CNIH3: variants seen among roughly 807,000 people sequenced by gnomAD.
CNIH3 encodes cornichon family AMPA receptor auxiliary protein 3, also known as protein cornichon homolog 3.
A neutral mutation model predicts 24.1 loss-of-function variants in CNIH3; 14 were observed. That is an observed-to-expected ratio of 0.58 (90% CI 0.38 to 0.91). The LOEUF (loss-of-function observed/expected upper bound fraction) is 0.91. Among genes scored for constraint, CNIH3 ranks in the 40% least tolerant of loss-of-function variants. The pLI is 0.00. For synonymous variants in CNIH3, 68 were observed against 73.8 expected (o/e 0.92, Z 0.40); for missense variants, 178 against 196.8 (o/e 0.90, Z 0.57).
chr1:224,489,795 T>G (rs1343681834), intron 1 of CNIH3, among the ~76,000 whole-genome samples: 2 of 152,206 alleles, frequency 1.3e-5, no homozygotes, highest in Non-Finnish European at 2.9e-5. Flanking sequence ...AAAGTCAATA[T>G]GCCAGCAGCT....
chr1:224,475,811 A>G (rs964343292), intron 1 of CNIH3, among the ~76,000 whole-genome samples: 1 of 152,176 alleles, frequency 6.6e-6, no homozygotes, highest in African/African-American at 2.4e-5. Context: ...CTACAGGCCA[A>G]TATTCCTCAT....
At chr1:224,635,176 G>A (rs941736995) in intron 1 of CNIH3, among the ~76,000 whole-genome samples, 1 of 152,038 alleles carries the variant, frequency 6.6e-6, no homozygotes, top group East Asian at 1.9e-4. Context: ...GGGGTCGGGG[G>A]GAACTGCCCT....
intron 1 of CNIH3, among the ~76,000 whole-genome samples, chr1:224,653,372 AG>A (rs1325661306): frequency 2.0e-5 from 3 of 151,696 alleles, no homozygotes; most frequent in Non-Finnish European, 2.9e-5. Context: ...CAGTGAGCCA[AG>A]ATCGTGCCAT....
At chr1:224,573,894 A>G (rs1680923793) in intron 4 of CNIH3, among the ~76,000 whole-genome samples, 1 of 152,032 alleles carries the variant, frequency 6.6e-6, no homozygotes, top group Middle Eastern at 3.4e-3. Context: ...TTTTTTGTAA[A>G]TGGTATTTCC....
rs1170905158 is a variant in CNIH3, at chr1:224,458,287, G to A, written n.203+23425G>A. ...AGGTCCCGTAGTCCCTGTGTGGTCAGCAGGGAAGGCAGCAGTGCTCTGTCA... is the reference window on the plus strand; with the variant it reads ...AGGTCCCGTAGTCCCTGTGTGGTCAACAGGGAAGGCAGCAGTGCTCTGTCA... On this transcript the variant is annotated intron_variant and non_coding_transcript_variant, in intron 1 of 5. Coordinates refer to the CNIH3 transcript ENST00000471578. The surrounding 1 kb of genome is among the most constrained non-coding windows in gnomAD (Gnocchi z 4.3). 3.9e-5 allele frequency among the ~76,000 whole-genome samples: 6 copies of A among 152,216 alleles called. No individual in the cohort carries two copies. Among genetic ancestry groups the A allele is most frequent in the Admixed American group, 3.3e-4 (5 of 15,278 alleles).
chr1:224,506,281 G>GCACACA (rs1381136132), intron 1 of CNIH3, among the ~76,000 whole-genome samples: 1 of 72,520 alleles, frequency 1.4e-5, no homozygotes, highest in African/African-American at 4.4e-5. Context: ...GCGCGCGCGC[G>GCACACA]CGCGCGCACA....
intron 2 of CNIH3, among the ~76,000 whole-genome samples, chr1:224,526,285 C>T (rs1487127860): frequency 2.0e-5 from 3 of 152,064 alleles, no homozygotes; most frequent in African/African-American, 7.2e-5. Context: ...CCAATGTGAT[C>T]GTATTAAGAA....
downstream of CNIH3, among the ~76,000 whole-genome samples, chr1:224,538,915 G>T (rs1465070330): frequency 6.9e-6 from 1 of 144,446 alleles, no homozygotes; most frequent in Non-Finnish European, 1.5e-5. Context: ...TGATTCTCCT[G>T]CCTCAGTCTC....
chr1:224,516,886 GT>G (rs879517046), intron 1 of CNIH3, among the ~76,000 whole-genome samples: 5 of 151,296 alleles, frequency 3.3e-5, no homozygotes, highest in South Asian at 2.1e-4. Flanking sequence ...CCCCACTCTT[GT>G]TTTTTTTTGT....
intron 1 of CNIH3, among the ~76,000 whole-genome samples, chr1:224,629,637 C>G (rs1311916721): frequency 2.0e-5 from 3 of 152,040 alleles, no homozygotes; most frequent in East Asian, 3.9e-4. Context: ...GAGTCCCTGC[C>G]TCTAGTTCTC....
exon 2 of CNIH3, chr1:224,521,191 T>A (rs1678613939): frequency 6.6e-6 from 1 of 152,190 alleles, no homozygotes; most frequent in Non-Finnish European, 1.5e-5. Flanking sequence ...GAGAGCGTTA[T>A]AAATTCACCC....
At position 224,458,369 on chromosome 1, in the gene CNIH3, G is replaced by C. The variant is rs1022437345; in HGVS notation, n.203+23507G>C. ...TACCAAAGTTATGCTTAGCAGAGGG[G>C]CTCTGGCTCACTCCCCGTCCCTCAT... is the stretch of plus-strand genomic sequence containing the variant. On this transcript the variant is annotated intron_variant and non_coding_transcript_variant, in intron 1 of 5. Transcript: ENST00000471578. The surrounding 1 kb of genome is among the most constrained non-coding windows in gnomAD (Gnocchi z 4.3). 6.6e-6 allele frequency among the ~76,000 whole-genome samples: 1 copy of C among 152,190 alleles called. No individual in the cohort carries two copies. Among genetic ancestry groups the C allele is most frequent in the African/African-American group, 2.4e-5 (1 of 41,430 alleles).
chr1:224,580,670 T>C (rs758784974), intron 4 of CNIH3, among the ~76,000 whole-genome samples: 25 of 151,878 alleles, frequency 1.6e-4, no homozygotes, highest in Non-Finnish European at 3.2e-4. Context: ...CTACTAAAAA[T>C]ACAAAAATTA....
At chr1:224,614,255 A>G (rs529875446), upstream of CNIH3, among the ~76,000 whole-genome samples, 12 of 152,340 alleles carry the variant, frequency 7.9e-5, no homozygotes, top group East Asian at 2.1e-3. Flanking sequence ...GGCCCTCCAA[A>G]GTATGTAGCC....
intron 3 of CNIH3, among the ~76,000 whole-genome samples, chr1:224,606,094 G>A (rs1348752219): frequency 6.6e-6 from 1 of 152,152 alleles, no homozygotes; most frequent in African/African-American, 2.4e-5. Flanking sequence ...GCCGGCAGGA[G>A]TAAACACTGT....
In CNIH3 at chr1:224,684,974, G is replaced by C. The variant is rs1686583880; in HGVS notation, c.198+131G>C. On this transcript the variant is annotated intron_variant, in intron 3 of 5. Coordinates refer to ENST00000272133, the MANE Select transcript of CNIH3 (RefSeq NM_152495.2). This position sits in a 1 kb window ranked among gnomAD's most constrained non-coding sequence, Gnocchi z 4.2. ...GGGAGGCAAATGGTGGCAGGGAAAG[G>C]GGGAGGTGGGAGCAAGTGATCAGTT... 23 of 855,996 alleles carry C rather than the reference G, an allele frequency of 2.7e-5. No homozygotes were observed. Among genetic ancestry groups the C allele is most frequent in the South Asian group, 2.6e-4 (19 of 73,422 alleles). The allele number at this position is 855,996 out of a possible 1,614,324, so 53.0% of individuals were successfully genotyped here. A position where few individuals can be genotyped will look rare whatever the true frequency, so the allele number is the denominator to read the frequency against.
intron 3 of CNIH3, among the ~76,000 whole-genome samples, chr1:224,561,128 T>A (rs1030733487): frequency 6.6e-6 from 1 of 152,194 alleles, no homozygotes; most frequent in African/African-American, 2.4e-5. Context: ...ATAGTCTGGT[T>A]ATGAGCCTCT....
At chr1:224,493,880 C>G (rs1677331151) in intron 1 of CNIH3, among the ~76,000 whole-genome samples, 2 of 152,108 alleles carry the variant, frequency 1.3e-5, no homozygotes, top group African/African-American at 4.8e-5. Context: ...AGCCCAGAGT[C>G]CCGTCATTAA....
chr1:224,718,282 C>A (rs1012018147), intron 3 of CNIH3, among the ~76,000 whole-genome samples: 5 of 152,022 alleles, frequency 3.3e-5, no homozygotes, highest in African/African-American at 4.8e-5. Flanking sequence ...CACTGCCATG[C>A]AAATATCTGA....
Sources: gnomAD v4.1 joint callset for allele counts (sites outside exome capture counted in the v4.1 genomes callset) on GRCh38, gnomAD v4.1.1 for gene constraint, Gnocchi (gnomAD v3.1) non-coding constraint, MANE v1.5 for transcripts, NCBI Gene and HGNC (gene_info 2026-07-23, HGNC 2026-07-21) for gene names.